The following KAT6A variants were observed in gnomAD, a reference collection of about 807,000 sequenced individuals.
KAT6A encodes lysine acetyltransferase 6A, also known as histone acetyltransferase KAT6A.
In KAT6A, 9 loss-of-function variants were observed where a neutral mutation model predicts 198.4. The observed-to-expected ratio is 0.05, with a 90% CI of 0.03 to 0.08. The LOEUF is 0.08. KAT6A is among the 10% of genes least tolerant of loss of function. KAT6A has a pLI of 1.00. For missense variants in KAT6A, 2,077 were observed against 2,509.9 expected (o/e 0.83, Z 3.69); for synonymous variants, 890 against 883.0 (o/e 1.01, Z -0.14).
rs144054857 is a variant in KAT6A at position 41,987,991 on chromosome 8, G to A, written c.601-428C>T. Among the ~76,000 whole-genome samples the A allele has an allele frequency of 9.2e-5, 14 of 152,340 alleles. No individual in the cohort carries two copies. In the East Asian group the frequency reaches 2.7e-3, roughly 29 times the overall value. On this transcript the variant is annotated intron_variant, in intron 2 of 16. Coordinates refer to ENST00000265713, the MANE Select transcript of KAT6A (RefSeq NM_006766.5). ...GACTCCTCGGCAGAAGACATTAAGT[G>A]AGAGAAACAGTAAGTGTTTTCTAGC...
chr8:41,934,492 T>C lies in KAT6A; in HGVS notation c.3728A>G (p.Asp1243Gly). ...AEEAEEGEEEDAASSEVPAAS... is the reference protein window; with the variant it reads ...AEEAEEGEEEGAASSEVPAAS... ...TGCTGGGACTTCACTGCTGGCTGCA[T>C]CCTCTTCCTCACCCTCTTCAGCCTC... Residue 1243 changes from aspartate (D) to glycine (G), a missense_variant, in exon 17 of 17, where the codon GAT becomes GGT. Physicochemically the swap from Asp to Gly is moderately conservative, Grantham distance 94 (BLOSUM62 -1). Around this residue, in one of 13 missense-constraint regions of KAT6A, gnomAD observed 375 missense variants for 383.0 expected, o/e 0.98. Coordinates refer to ENST00000265713, the MANE Select transcript of KAT6A (RefSeq NM_006766.5). The C allele has an allele frequency of 6.2e-7, 1 of 1,611,880 alleles. No homozygotes were observed. The highest frequency in any genetic ancestry group is 8.5e-7 in the Non-Finnish European group (1 of 1,178,846).
intron 2 of KAT6A, among the ~76,000 whole-genome samples, chr8:42,033,205 T>C (rs1196828213): frequency 2.0e-5 from 3 of 152,150 alleles, no homozygotes; most frequent in Non-Finnish European, 2.9e-5. Flanking sequence ...ATAAGAGTAA[T>C]GTGTTTACCT....
intron 2 of KAT6A, among the ~76,000 whole-genome samples, chr8:42,001,367 T>G (rs990774262): frequency 2.0e-5 from 3 of 152,166 alleles, no homozygotes; most frequent in African/African-American, 7.2e-5. Flanking sequence ...CTTTTCTGCC[T>G]AAGAAACTAA....
intron 2 of KAT6A, among the ~76,000 whole-genome samples, chr8:42,020,877 C>G (rs1826495451): frequency 6.6e-6 from 1 of 152,118 alleles, no homozygotes; most frequent in Non-Finnish European, 1.5e-5. Context: ...TGAACCAGGC[C>G]ACTTTGCATG....
At chr8:42,040,618 C>T (rs1015647338) in intron 2 of KAT6A, among the ~76,000 whole-genome samples, 1 of 150,524 alleles carries the variant, frequency 6.6e-6, no homozygotes, top group Admixed American at 6.6e-5. Flanking sequence ...GCATGTAAAC[C>T]CAGCTACTCG....
chr8:41,955,452 G>T (rs1587737912), intron 8 of KAT6A, 41 bp from the exon 9 acceptor site: 1 of 1,215,964 alleles, frequency 8.2e-7, no homozygotes, highest in Non-Finnish European at 1.2e-6. Flanking sequence ...AGCTAAATTA[G>T]ACACACTGAG....
At chr8:42,040,165 T>TA (rs548431449) in intron 2 of KAT6A, among the ~76,000 whole-genome samples, 24 of 147,902 alleles carry the variant, frequency 1.6e-4, no homozygotes, top group East Asian at 1.6e-3. Context: ...TTAAAACACT[T>TA]AAAAAAAAAA....
rs867158175 is a variant in KAT6A, at chr8:41,933,373, C to T, written c.4847G>A (p.Cys1616Tyr). ...TQQMASMGSS[C>Y]SMMQQSSVQP... is the part of the protein sequence containing the mutation. ...GACGCTGCTCTGCTGCATCATGCTG[C>T]AGCTGCTGCCCATGCTGGCCATCTG... is the stretch of plus-strand genomic sequence containing the variant. Residue 1616 changes from cysteine (C) to tyrosine (Y), a missense_variant, in exon 17 of 17, where the codon TGC becomes TAC. Physicochemically the swap from Cys to Tyr is radical, Grantham distance 194 (BLOSUM62 -2). Coordinates refer to ENST00000265713, the MANE Select transcript of KAT6A (RefSeq NM_006766.5). This position sits in a 1 kb window ranked among gnomAD's most constrained non-coding sequence, Gnocchi z 6.2. 6.3e-7 allele frequency: 1 copy of T among 1,599,024 alleles called. No homozygotes were observed. Among genetic ancestry groups the T allele is most frequent in the South Asian group, 1.1e-5 (1 of 89,508 alleles).
In KAT6A at chr8:42,024,672, A is replaced by C. The variant is rs542770715; in HGVS notation, c.600+23706T>G. 2.6e-5 allele frequency among the ~76,000 whole-genome samples: 4 copies of C among 152,286 alleles called. No homozygotes were observed. The South Asian group carries it at 8.3e-4, about 32-fold the overall frequency. On this transcript the variant is annotated intron_variant, in intron 2 of 16. Transcript: ENST00000265713. ...CTGTTTTTACTCCCACATATAAGTGAGAACGTGACAGCTGTCATTCTGTGG... is the reference window on the plus strand; with the variant it reads ...CTGTTTTTACTCCCACATATAAGTGCGAACGTGACAGCTGTCATTCTGTGG...
At chr8:42,050,613 A>T (rs984462100) in intron 1 of KAT6A, among the ~76,000 whole-genome samples, 3 of 152,344 alleles carry the variant, frequency 2.0e-5, no homozygotes, top group Middle Eastern at 3.4e-3. Flanking sequence ...CTGCCTAAAA[A>T]GAAGCCCCCT....
At chr8:41,973,499 G>A (rs1443126849) in intron 8 of KAT6A, among the ~76,000 whole-genome samples, 1 of 151,924 alleles carries the variant, frequency 6.6e-6, no homozygotes, top group African/African-American at 2.4e-5. Context: ...GGATTACAGG[G>A]GTGAGCCACC....
chr8:41,947,387 T>C (rs2150866157), intron 11 of KAT6A, among the ~76,000 whole-genome samples: 1 of 152,346 alleles, frequency 6.6e-6, no homozygotes, highest in East Asian at 1.9e-4. Context: ...AAATGCCTTC[T>C]TACTCTTATT....
At chr8:41,972,006 G>T (rs544260190) in intron 8 of KAT6A, among the ~76,000 whole-genome samples, 27 of 152,274 alleles carry the variant, frequency 1.8e-4, no homozygotes, top group Non-Finnish European at 3.5e-4. Context: ...ACAACAGTAA[G>T]AGCCTAGAAC....
At chr8:41,934,934 A>C in intron 16 of KAT6A, 67 bp from the exon 17 acceptor site, 1 of 1,192,898 alleles carries the variant, frequency 8.4e-7, no homozygotes, top group East Asian at 2.3e-5. Context: ...CCTTCTTCCA[A>C]GACTAGCATA....
chr8:41,933,019 C>T lies in KAT6A; in HGVS notation c.5201G>A (p.Arg1734Lys), dbSNP rs1564003051. The change falls in exon 17 of 17, where the codon AGG becomes AAG. Residue 1734 changes from arginine to lysine, a missense_variant. Physicochemically the swap from Arg to Lys is conservative, Grantham distance 26. Around this residue, in one of 13 missense-constraint regions of KAT6A, gnomAD observed 500 missense variants for 577.2 expected, o/e 0.87. Transcript: ENST00000265713. The surrounding 1 kb of genome is among the most constrained non-coding windows in gnomAD (Gnocchi z 6.2). ...GSTGNISIYE[R>K]IPGDFGAGSY... Reference sequence around the variant, plus strand: ...GCCGGCACCAAAATCCCCTGGAATCCTCTCATAGATACTTATGTTCCCAGT... The same window carrying T: ...GCCGGCACCAAAATCCCCTGGAATCTTCTCATAGATACTTATGTTCCCAGT... 6.2e-7 allele frequency: 1 copy of T among 1,613,966 alleles called. No homozygotes were observed. The highest frequency in any genetic ancestry group is 1.6e-4 in the Middle Eastern group (1 of 6,062).
At chr8:41,980,093 G>A (rs1824274535) in intron 5 of KAT6A, among the ~76,000 whole-genome samples, 2 of 152,082 alleles carry the variant, frequency 1.3e-5, no homozygotes, top group African/African-American at 4.8e-5. Flanking sequence ...CAAATATTAT[G>A]AAATATCCTA....
intron 3 of KAT6A, among the ~76,000 whole-genome samples, chr8:41,983,028 A>C (rs1468606308): frequency 6.6e-6 from 1 of 152,216 alleles, no homozygotes; most frequent in Admixed American, 6.5e-5. Context: ...CTCACAATTT[A>C]AGGCATGCAA....
At chr8:41,953,368 T>C (rs1026909091) in intron 9 of KAT6A, among the ~76,000 whole-genome samples, 3 of 152,254 alleles carry the variant, frequency 2.0e-5, no homozygotes, top group African/African-American at 7.2e-5. Context: ...CTTTCTTTTC[T>C]AAGTTGAGTG....
chr8:41,969,684 T>C (rs1389055427), intron 8 of KAT6A, among the ~76,000 whole-genome samples: 3 of 152,190 alleles, frequency 2.0e-5, no homozygotes, highest in African/African-American at 7.2e-5. Flanking sequence ...GCTGTTTCCT[T>C]GCTAAAAACC....
Sources: allele counts gnomAD v4.1 joint callset (sites outside exome capture counted in the v4.1 genomes callset), GRCh38; gene constraint gnomAD v4.1.1; regional missense constraint gnomAD v4.1.1; non-coding constraint Gnocchi (gnomAD v3.1); transcripts MANE v1.5; gene names NCBI Gene and HGNC (gene_info 2026-07-23, HGNC 2026-07-21).